The following LGR6 variants were observed in gnomAD, a reference collection of about 807,000 sequenced individuals.
LGR6 encodes the protein leucine-rich repeat-containing G protein-coupled receptor 6.
LGR6 carries 45 observed loss-of-function variants against 69.4 expected under a neutral mutation model. The observed-to-expected ratio is 0.65, with a 90% CI of 0.51 to 0.83. LGR6 has a LOEUF of 0.83. LGR6 is among the 40% of genes least tolerant of loss of function. The probability of loss-of-function intolerance (pLI) is 0.00; values close to 1 mark genes in which losing one functional copy is unlikely to be tolerated. For synonymous variants in LGR6, 538 were observed against 555.0 expected (o/e 0.97, Z 0.43); for missense variants, 1,108 against 1,246.7 (o/e 0.89, Z 1.68).
At chr1:202,305,449 T>C (rs1653087185) in intron 11 of LGR6, among the ~76,000 whole-genome samples, 1 of 152,094 alleles carries the variant, frequency 6.6e-6, no homozygotes, top group Non-Finnish European at 1.5e-5. Flanking sequence ...ACTTCCTGGG[T>C]AGTCCCATCT....
chr1:202,235,866 T>C (rs1290670573), intron 3 of LGR6, 56 bp from the exon 4 acceptor site: 7 of 1,530,394 alleles, frequency 4.6e-6, no homozygotes, highest in Non-Finnish European at 6.3e-6. Flanking sequence ...GTCAGCACCC[T>C]CCAGCCAGCT....
rs1177215905 is a variant in LGR6 at position 202,280,790 on chromosome 1, TAAC to T, written c.658_660del (p.Asn220del). The T allele has an allele frequency of 6.2e-7, 1 of 1,614,210 alleles. No homozygotes were observed. The highest frequency in any genetic ancestry group is 1.7e-5 in the Admixed American group (1 of 60,032). On this transcript the variant is annotated inframe_deletion, in exon 6 of 18. Coordinates refer to ENST00000367278, the MANE Select transcript of LGR6 (RefSeq NM_001017403.2). ...TTTCCTTCCCGTGCAGGCATTTGCATAACAACCGCATCCAGCATCTGGGGACCC... is the reference window on the plus strand; with the variant it reads ...TTTCCTTCCCGTGCAGGCATTTGCATAACCGCATCCAGCATCTGGGGACCC...
intron 1 of LGR6, among the ~76,000 whole-genome samples, chr1:202,211,346 C>T (rs951442678): frequency 3.3e-5 from 5 of 152,174 alleles, no homozygotes; most frequent in South Asian, 2.1e-4. Context: ...CTGAGGTTCA[C>T]GAAGACTTTC....
chr1:202,241,724 G>C (rs576337849), intron 4 of LGR6, among the ~76,000 whole-genome samples: 50 of 152,256 alleles, frequency 3.3e-4, no homozygotes, highest in Non-Finnish European at 6.8e-4. Context: ...GGGCTGCGCT[G>C]GTCTGGGTCC....
intron 6 of LGR6, among the ~76,000 whole-genome samples, chr1:202,281,325 C>T (rs1254364907): frequency 6.6e-6 from 1 of 152,094 alleles, no homozygotes; most frequent in Non-Finnish European, 1.5e-5. Context: ...GCCAATTGAT[C>T]GAACTAGCTA....
intron 1 of LGR6, among the ~76,000 whole-genome samples, chr1:202,202,724 T>G (rs1248546589): frequency 1.3e-5 from 2 of 152,194 alleles, no homozygotes; most frequent in Non-Finnish European, 2.9e-5. Context: ...GAGGCAGGCC[T>G]GCAGTGGCCC....
chr1:202,217,943 C>T (rs1010928152), intron 1 of LGR6, among the ~76,000 whole-genome samples: 3 of 152,296 alleles, frequency 2.0e-5, no homozygotes, highest in African/African-American at 7.2e-5. Flanking sequence ...AAGTACACTC[C>T]CTTGTTTGGA....
At position 202,286,234 on chromosome 1, in the gene LGR6, C is replaced by T. The variant is rs538728371; in HGVS notation, c.716+5382C>T. ...TCAACCCACTCTACAGCTATCCTGG[C>T]GGGCTCCATGACAGAGCCCTCTGGG... On this transcript the variant is annotated intron_variant, in intron 6 of 17. Coordinates refer to ENST00000367278, the MANE Select transcript of LGR6 (RefSeq NM_001017403.2). Among the ~76,000 whole-genome samples, 76 of 152,294 alleles carry T rather than the reference C, an allele frequency of 5.0e-4. 1 individual carries two copies. In the South Asian group the frequency reaches 0.012, roughly 23 times the overall value.
intron 4 of LGR6, among the ~76,000 whole-genome samples, chr1:202,269,584 T>A (rs773483969): frequency 6.6e-6 from 1 of 152,164 alleles, no homozygotes; most frequent in Non-Finnish European, 1.5e-5. Context: ...GGATGAGAAG[T>A]GGAATTCCTC....
intron 16 of LGR6, among the ~76,000 whole-genome samples, chr1:202,310,989 T>C (rs1653680684): frequency 6.6e-6 from 1 of 151,864 alleles, no homozygotes; most frequent in African/African-American, 2.4e-5. Flanking sequence ...CTGGAAGAGT[T>C]AGGGTAAAAG....
At chr1:202,288,661 C>T (rs547223306) in intron 6 of LGR6, among the ~76,000 whole-genome samples, 1 of 152,314 alleles carries the variant, frequency 6.6e-6, no homozygotes, top group East Asian at 1.9e-4. Flanking sequence ...GTCCTCTAGT[C>T]AGTCCTATCA....
intron 4 of LGR6, among the ~76,000 whole-genome samples, chr1:202,271,369 G>A (rs1665082007): frequency 6.6e-6 from 1 of 152,104 alleles, no homozygotes; most frequent in African/African-American, 2.4e-5. Flanking sequence ...TGAAAGGGTG[G>A]GGGAATTCTC....
At chr1:202,224,800 C>T (rs558369976) in intron 1 of LGR6, among the ~76,000 whole-genome samples, 14 of 152,300 alleles carry the variant, frequency 9.2e-5, no homozygotes, top group Non-Finnish European at 1.5e-4. Flanking sequence ...CTGCTGCCCC[C>T]GGGTTGGGGA....
chr1:202,236,073 T>C, intron 4 of LGR6, 80 bp downstream of exon 4: 2 of 1,200,518 alleles, frequency 1.7e-6, no homozygotes, highest in Non-Finnish European at 1.2e-6. Context: ...TGCCTCAGCT[T>C]TCCCTTCCCT....
intron 7 of LGR6, among the ~76,000 whole-genome samples, chr1:202,298,021 T>C (rs912705207): frequency 2.0e-5 from 3 of 152,216 alleles, no homozygotes; most frequent in African/African-American, 7.2e-5. Context: ...TTTATTATTT[T>C]ATTTCAGCAT....
At chr1:202,205,425 C>CAG (rs1659151694) in intron 1 of LGR6, among the ~76,000 whole-genome samples, 1 of 99,076 alleles carries the variant, frequency 1.0e-5, no homozygotes, top group Admixed American at 1.0e-4. Context: ...CACACACACA[C>CAG]CTAACACACA....
intron 14 of LGR6, 23 bp downstream of exon 14, chr1:202,307,424 T>C (rs765795650): frequency 1.2e-6 from 2 of 1,608,910 alleles, no homozygotes; most frequent in South Asian, 2.2e-5. Context: ...TGCATTCTCC[T>C]CCAGGATGCT....
rs768263796 is a variant in LGR6, at chr1:202,310,321, C to A, written c.1531C>A (p.Pro511Thr). Reference protein sequence around the residue: ...HLDDEESSKRPLGLLARQAEN... With the variant: ...HLDDEESSKRTLGLLARQAEN... ...TGATGATGAGGAGTCTTCAAAAAGG[C>A]CCCTGGGCCTCCTTGCCAGACAAGC... The change falls in exon 16 of 18, where the codon CCC (proline) becomes ACC (threonine). Residue 511 changes from proline (P) to threonine (T), a missense_variant. Coordinates refer to ENST00000367278, the MANE Select transcript of LGR6 (RefSeq NM_001017403.2). The A allele has an allele frequency of 1.2e-6, 2 of 1,613,702 alleles. No homozygotes were observed. Among genetic ancestry groups the A allele is most frequent in the Non-Finnish European group, 1.7e-6 (2 of 1,179,940 alleles).
Position 202,318,922 on chromosome 1 carries a change from C to T in LGR6, c.2619C>T (p.Phe873=). ...SCDSTQALVA[F]SDVDLILEAS... ...ATTCTACCCAGGCCCTGGTAGCCTTCTCTGATGTGGATCTCATTCTGGAAG... is the reference window on the plus strand; with the variant it reads ...ATTCTACCCAGGCCCTGGTAGCCTTTTCTGATGTGGATCTCATTCTGGAAG... The change falls in exon 18 of 18, where the codon TTC becomes TTT. Residue 873 remains phenylalanine, a synonymous_variant. Transcript: ENST00000367278. 1.9e-6 allele frequency: 3 copies of T among 1,614,096 alleles called. No individual in the cohort carries two copies. The highest frequency in any genetic ancestry group is 2.2e-5 in the East Asian group (1 of 44,884).
Sources: allele counts gnomAD v4.1 joint callset (sites outside exome capture counted in the v4.1 genomes callset), GRCh38; gene constraint gnomAD v4.1.1; transcripts MANE v1.5; gene names NCBI Gene and HGNC (gene_info 2026-07-23, HGNC 2026-07-21).